The following SCFD2 variants were observed in gnomAD, a reference collection of about 807,000 sequenced individuals.
The protein encoded by SCFD2 is sec1 family domain-containing protein 2.
A neutral mutation model predicts 58.9 loss-of-function variants in SCFD2; 54 were observed. The ratio of observed to expected loss-of-function variants is 0.92; its 90% confidence interval spans 0.74 to 1.15. SCFD2 has a LOEUF of 1.15. Among genes scored for constraint, SCFD2 ranks in the 50% most tolerant of loss-of-function variants. The probability of loss-of-function intolerance (pLI) is 0.00; values close to 1 mark genes in which losing one functional copy is unlikely to be tolerated. For synonymous variants in SCFD2, 321 were observed against 335.9 expected (o/e 0.96, Z 0.49); for missense variants, 805 against 836.6 (o/e 0.96, Z 0.47).
intron 5 of SCFD2, among the ~76,000 whole-genome samples, chr4:52,933,060 G>GTTC (rs1720037974): frequency 2.0e-5 from 3 of 152,142 alleles, no homozygotes; most frequent in Admixed American, 6.5e-5. Context: ...GGCCTTGAAG[G>GTTC]TGGATTCCAA....
At chr4:53,240,021 T>G (rs544582703) in intron 4 of SCFD2, among the ~76,000 whole-genome samples, 1 of 152,322 alleles carries the variant, frequency 6.6e-6, no homozygotes, top group African/African-American at 2.4e-5. Flanking sequence ...CAAAGGTATC[T>G]GATAAAAGAT....
At chr4:53,167,431 G>A (rs1359576975) in intron 4 of SCFD2, among the ~76,000 whole-genome samples, 1 of 152,206 alleles carries the variant, frequency 6.6e-6, no homozygotes, top group African/African-American at 2.4e-5. Context: ...AATAGAATTT[G>A]AAGAATGATG....
At chr4:53,074,028 A>G (rs775612431) in intron 5 of SCFD2, among the ~76,000 whole-genome samples, 1 of 152,172 alleles carries the variant, frequency 6.6e-6, no homozygotes, top group African/African-American at 2.4e-5. Flanking sequence ...TTCCTTTCAT[A>G]ACAGATTTGT....
intron 5 of SCFD2, among the ~76,000 whole-genome samples, chr4:52,966,124 A>C (rs1192405886): frequency 1.3e-5 from 2 of 152,186 alleles, no homozygotes; most frequent in South Asian, 2.1e-4. Context: ...TTATGGAGAC[A>C]CACCAGGCCA....
chr4:53,332,649 T>A (rs908942826), intron 2 of SCFD2, among the ~76,000 whole-genome samples: 7 of 152,136 alleles, frequency 4.6e-5, no homozygotes, highest in African/African-American at 1.2e-4. Context: ...TCATACTGAA[T>A]GGGCAAAAAC....
chr4:53,184,446 T>A (rs1010145742), intron 4 of SCFD2, among the ~76,000 whole-genome samples: 2 of 152,112 alleles, frequency 1.3e-5, no homozygotes, highest in Admixed American at 6.6e-5. Context: ...ACAAAATGGA[T>A]ATAGTATAGA....
chr4:53,039,873 T>C (rs1490752613), intron 5 of SCFD2, among the ~76,000 whole-genome samples: 6 of 152,198 alleles, frequency 3.9e-5, no homozygotes, highest in Non-Finnish European at 7.3e-5. Flanking sequence ...CTAGAGCCAT[T>C]GCTCTGCCCC....
intron 7 of SCFD2, 147 bp from the exon 8 acceptor site, chr4:52,886,013 G>A (rs1433928804): frequency 3.1e-6 from 3 of 960,390 alleles, no homozygotes; most frequent in East Asian, 2.7e-5. Flanking sequence ...GCAGACAGGG[G>A]TGGGTCCCTG....
At chr4:53,042,126 C>G (rs760526504) in intron 5 of SCFD2, among the ~76,000 whole-genome samples, 2 of 152,138 alleles carry the variant, frequency 1.3e-5, no homozygotes, top group Non-Finnish European at 2.9e-5. Flanking sequence ...TAATCAACAA[C>G]TCTAATGTGG....
At chr4:53,155,963 G>T (rs564183788) in intron 4 of SCFD2, among the ~76,000 whole-genome samples, 10 of 152,308 alleles carry the variant, frequency 6.6e-5, no homozygotes, top group Admixed American at 6.5e-5. Flanking sequence ...GGGTAAATTT[G>T]CAGGTAACAA....
At chr4:53,132,832 A>AT (rs1450673880) in intron 5 of SCFD2, among the ~76,000 whole-genome samples, 2 of 152,130 alleles carry the variant, frequency 1.3e-5, no homozygotes, top group Non-Finnish European at 2.9e-5. Flanking sequence ...TTAAGGGACA[A>AT]TTTTTCAAGG....
chr4:53,118,248 C>A (rs1725378877), intron 5 of SCFD2, among the ~76,000 whole-genome samples: 1 of 152,158 alleles, frequency 6.6e-6, no homozygotes, highest in Non-Finnish European at 1.5e-5. Flanking sequence ...AGAACCCATT[C>A]CTGCCTGGCA....
chr4:53,227,894 T>C (rs1347613743), intron 4 of SCFD2, among the ~76,000 whole-genome samples: 1 of 152,240 alleles, frequency 6.6e-6, no homozygotes, highest in Non-Finnish European at 1.5e-5. Flanking sequence ...ATACTAGAAG[T>C]GCAGTTTGAC....
intron 2 of SCFD2, among the ~76,000 whole-genome samples, chr4:53,342,815 C>T (rs6820506): frequency 0.14 from 21,258 of 152,104 alleles, 1,922 homozygotes; most frequent in Admixed American, 0.23. Flanking sequence ...CACTCAAAAC[C>T]GCTCAACTAC....
At chr4:53,037,707 G>T (rs1169815003) in intron 5 of SCFD2, among the ~76,000 whole-genome samples, 1 of 152,140 alleles carries the variant, frequency 6.6e-6, no homozygotes. Flanking sequence ...GCATGTAAAA[G>T]TGATGCTTTT....
chr4:52,992,719 C>G (rs1308692206), intron 5 of SCFD2, among the ~76,000 whole-genome samples: 2 of 151,870 alleles, frequency 1.3e-5, no homozygotes, highest in Non-Finnish European at 1.5e-5. Flanking sequence ...CCCGGCCGCC[C>G]CGTCTGAGAA....
chr4:52,878,659 G>C (rs1718536908), intron 8 of SCFD2, among the ~76,000 whole-genome samples: 1 of 152,196 alleles, frequency 6.6e-6, no homozygotes. Context: ...AGAAGAGTTT[G>C]AAATTGGCTG....
At chr4:52,911,937 T>G (rs1461743852) in intron 6 of SCFD2, among the ~76,000 whole-genome samples, 1 of 152,118 alleles carries the variant, frequency 6.6e-6, no homozygotes, top group Non-Finnish European at 1.5e-5. Flanking sequence ...GCTTCTCCTG[T>G]TTATTTGCAA....
intron 5 of SCFD2, among the ~76,000 whole-genome samples, chr4:52,944,586 T>C (rs115339796): frequency 1.7e-3 from 257 of 152,342 alleles, no homozygotes; most frequent in Non-Finnish European, 3.0e-3. Context: ...ATTACCTATG[T>C]CTGTTGTTCT....
Sources: gnomAD v4.1 joint callset for allele counts (sites outside exome capture counted in the v4.1 genomes callset) on GRCh38, gnomAD v4.1.1 for gene constraint, MANE v1.5 for transcripts, NCBI Gene and HGNC (gene_info 2026-07-23, HGNC 2026-07-21) for gene names.